The following GSE1 variants were observed in gnomAD, a reference collection of about 807,000 sequenced individuals.
GSE1 encodes the protein Gse1 coiled-coil protein.
A neutral mutation model predicts 112.6 loss-of-function variants in GSE1; 32 were observed. That is an observed-to-expected ratio of 0.28 (90% CI 0.21 to 0.38). The LOEUF is 0.38. GSE1 is among the 10% of genes least tolerant of loss of function. GSE1 has a pLI of 1.00. For synonymous variants in GSE1, 1,115 were observed against 735.6 expected (o/e 1.52, Z -8.35); for missense variants, 2,348 against 1,699.2 (o/e 1.38, Z -6.71).
At chr16:85,247,244 C>T (rs1905956419) in intron 1 of GSE1, among the ~76,000 whole-genome samples, 1 of 152,218 alleles carries the variant, frequency 6.6e-6, no homozygotes, top group African/African-American at 2.4e-5. Flanking sequence ...CCTGTCCATG[C>T]TCTGTCCCCA....
chr16:85,574,517 G>A (rs142498018), intron 1 of GSE1, among the ~76,000 whole-genome samples: 3 of 152,306 alleles, frequency 2.0e-5, no homozygotes, highest in South Asian at 2.1e-4. Context: ...CGCCTCGGAC[G>A]AGGCCCCGGG....
chr16:85,367,650 C>T (rs534296136), intron 2 of GSE1, among the ~76,000 whole-genome samples: 2 of 152,194 alleles, frequency 1.3e-5, no homozygotes, highest in Non-Finnish European at 2.9e-5. Flanking sequence ...CCCGGGGCAG[C>T]CAGTGCCTGG....
intron 1 of GSE1, among the ~76,000 whole-genome samples, chr16:85,337,436 G>C (rs1407790896): frequency 6.6e-6 from 1 of 151,514 alleles, no homozygotes; most frequent in African/African-American, 2.4e-5. Flanking sequence ...CTCCTGAGTA[G>C]CTGGGACTAC....
chr16:85,479,790 G>T (rs1309814866), intron 2 of GSE1, among the ~76,000 whole-genome samples: 3 of 152,176 alleles, frequency 2.0e-5, no homozygotes, highest in African/African-American at 4.8e-5. Context: ...CCAGGTGCCG[G>T]CCTGAACCCT....
intron 1 of GSE1, among the ~76,000 whole-genome samples, chr16:85,226,986 C>T (rs970005980): frequency 6.6e-6 from 1 of 152,060 alleles, no homozygotes; most frequent in African/African-American, 2.4e-5. Flanking sequence ...GCCCACCTGC[C>T]CATCCAGCCA....
intron 2 of GSE1, among the ~76,000 whole-genome samples, chr16:85,470,600 T>C (rs1056365003): frequency 4.6e-5 from 7 of 152,196 alleles, no homozygotes; most frequent in African/African-American, 1.7e-4. Flanking sequence ...GCAATTGCTC[T>C]GCACCTCAAG....
intron 1 of GSE1, among the ~76,000 whole-genome samples, chr16:85,619,961 C>T (rs894313130): frequency 6.6e-6 from 1 of 152,156 alleles, no homozygotes; most frequent in Non-Finnish European, 1.5e-5. Flanking sequence ...TCCCTTAGAG[C>T]CTGGAGAGAG....
intron 2 of GSE1, among the ~76,000 whole-genome samples, chr16:85,488,436 C>G (rs76726960): frequency 0.021 from 3,138 of 152,228 alleles, 105 homozygotes; most frequent in African/African-American, 0.071. Flanking sequence ...CTACGGGGCT[C>G]TCTGCATGGC....
intron 1 of GSE1, among the ~76,000 whole-genome samples, chr16:85,562,855 T>G (rs527822564): frequency 1.3e-5 from 2 of 152,380 alleles, no homozygotes; most frequent in East Asian, 3.9e-4. Flanking sequence ...CTTCAAATTC[T>G]CTTCCTTAGA....
At chr16:85,300,154 G>A (rs7205795) in intron 1 of GSE1, among the ~76,000 whole-genome samples, 51,330 of 151,668 alleles carry the variant, frequency 0.34, 9,080 homozygotes, top group Admixed American at 0.46. Context: ...TGGGATTACA[G>A]GCACCCGCCA....
At chr16:85,249,397 C>T (rs1013295736) in intron 1 of GSE1, among the ~76,000 whole-genome samples, 2 of 152,250 alleles carry the variant, frequency 1.3e-5, no homozygotes, top group Non-Finnish European at 2.9e-5. Flanking sequence ...CCAGTCGGGC[C>T]AGCACTCTGT....
Position 85,201,422 on chromosome 16 carries a change from C to A in GSE1, c.2283+29615C>A, listed in dbSNP as rs577834722. On this transcript the variant is annotated intron_variant, in intron 1 of 2. Coordinates refer to the GSE1 transcript ENST00000637419. ...CCTGTAATCCCAGCACTTTGGGACG[C>A]CGAGGGCGGTGGATTGCTTGAGGTC... 3.3e-3 allele frequency among the ~76,000 whole-genome samples: 505 copies of A among 151,568 alleles called. 5 individuals carry two copies. The highest frequency in any genetic ancestry group is 5.0e-3 in the Non-Finnish European group (336 of 67,870).
In GSE1 at chr16:85,544,590, G is replaced by A. The variant is rs1310942675; in HGVS notation, c.2465-89324G>A. Among the ~76,000 whole-genome samples, 3 of 152,226 alleles carry A rather than the reference G, an allele frequency of 2.0e-5. 1 individual carries two copies. Among genetic ancestry groups the A allele is most frequent in the African/African-American group, 4.8e-5 (2 of 41,452 alleles). ...ACTAAAAAGCTCGCACCCAGCATGAGGGGAAAGACAGGGATGAAGCCGCTC... is the reference window on the plus strand; with the variant it reads ...ACTAAAAAGCTCGCACCCAGCATGAAGGGAAAGACAGGGATGAAGCCGCTC... On this transcript the variant is annotated intron_variant, in intron 2 of 2. Transcript: ENST00000637419.
intron 2 of GSE1, among the ~76,000 whole-genome samples, chr16:85,367,444 C>G (rs1029364868): frequency 2.0e-5 from 3 of 152,214 alleles, no homozygotes; most frequent in Admixed American, 6.5e-5. Flanking sequence ...GCCCCGAGAG[C>G]AGATATTCAA....
chr16:85,387,596 A>G (rs533227982), intron 2 of GSE1, among the ~76,000 whole-genome samples: 2 of 152,296 alleles, frequency 1.3e-5, no homozygotes, highest in South Asian at 4.1e-4. Flanking sequence ...ACCTGCTTTC[A>G]TGTTACCTTG....
At chr16:85,654,189 C>T (rs921182589) in intron 3 of GSE1, 89 bp from the exon 4 acceptor site, 17 of 1,211,330 alleles carry the variant, frequency 1.4e-5, no homozygotes, top group East Asian at 2.6e-5. Context: ...AAATCTAGCG[C>T]CTTCCCGTGA....
intron 1 of GSE1, among the ~76,000 whole-genome samples, chr16:85,343,377 C>T (rs1567700905): frequency 1.3e-5 from 2 of 152,070 alleles, no homozygotes; most frequent in South Asian, 2.1e-4. Flanking sequence ...CAAGGGGTTG[C>T]CCTTGGAGGC....
intron 1 of GSE1, among the ~76,000 whole-genome samples, chr16:85,585,295 C>G (rs1347611827): frequency 5.3e-5 from 8 of 152,190 alleles, no homozygotes; most frequent in Admixed American, 3.3e-4. Context: ...GCTCCAGGAA[C>G]CAGAGGCCCA....
chr16:85,169,945 G>A (rs1387979598), exon 1 of GSE1: 1 of 984,478 alleles, frequency 1.0e-6, no homozygotes, highest in East Asian at 1.1e-4. Context: ...GTGGAACGTC[G>A]CCTACGCGCT....
Sources: allele counts gnomAD v4.1 joint callset (sites outside exome capture counted in the v4.1 genomes callset), GRCh38; gene constraint gnomAD v4.1.1; transcripts MANE v1.5; gene names NCBI Gene and HGNC (gene_info 2026-07-23, HGNC 2026-07-21).